EXOC6: variants seen among roughly 807,000 people sequenced by gnomAD.
EXOC6 encodes the protein SEC15-like 1.
EXOC6 carries 60 observed loss-of-function variants against 112.5 expected under a neutral mutation model. The ratio of observed to expected loss-of-function variants is 0.53; its 90% CI spans 0.43 to 0.66. The LOEUF (loss-of-function observed/expected upper bound fraction) is 0.66. EXOC6 is among the 30% of genes least tolerant of loss of function. EXOC6 has a pLI of 0.00. For synonymous variants in EXOC6, 295 were observed against 308.0 expected (o/e 0.96, Z 0.44); for missense variants, 855 against 957.1 (o/e 0.89, Z 1.41).
chr10:92,978,063 A>G (rs951847310), intron 18 of EXOC6, among the ~76,000 whole-genome samples: 2 of 152,218 alleles, frequency 1.3e-5, no homozygotes, highest in Admixed American at 1.3e-4. Context: ...AAATTCAACA[A>G]TAAATACAAG....
At chr10:92,958,245 T>C (rs1196069986) in intron 17 of EXOC6, among the ~76,000 whole-genome samples, 5 of 152,140 alleles carry the variant, frequency 3.3e-5, no homozygotes, top group Admixed American at 2.0e-4. Context: ...ATAAGTCTTC[T>C]CCTAACTGGA....
chr10:92,912,396 C>T (rs1037428983), intron 6 of EXOC6, among the ~76,000 whole-genome samples: 1 of 151,958 alleles, frequency 6.6e-6, no homozygotes, highest in East Asian at 1.9e-4. Context: ...AAGCTGGGTC[C>T]AGGGGGGTCA....
At chr10:93,050,525 C>A (rs777725917) in intron 20 of EXOC6, among the ~76,000 whole-genome samples, 9 of 151,216 alleles carry the variant, frequency 6.0e-5, no homozygotes, top group African/African-American at 2.2e-4. Flanking sequence ...TTTGGGAGGC[C>A]AAGATGGGTG....
chr10:93,018,053 AAAAG>A (rs1193367691), intron 20 of EXOC6, among the ~76,000 whole-genome samples: 1 of 151,784 alleles, frequency 6.6e-6, no homozygotes, highest in East Asian at 1.9e-4. Context: ...AAAATTTTAA[AAAAG>A]AAATACATTC....
chr10:92,896,739 A>G (rs1005953406), intron 4 of EXOC6, among the ~76,000 whole-genome samples: 9 of 152,028 alleles, frequency 5.9e-5, no homozygotes, highest in African/African-American at 2.2e-4. Context: ...TATTTTTGGT[A>G]GAGGTGGGGT....
At chr10:92,896,173 ATATATATATTTTTTTTTTTTTTTTTTTT>A (rs1849797192) in intron 4 of EXOC6, among the ~76,000 whole-genome samples, 8 of 23,808 alleles carry the variant, frequency 3.4e-4, no homozygotes, top group Admixed American at 1.8e-3. Context: ...ATATATATAT[ATATATATATTTTTTTTTTTTTTTTTTTT>A]TTTTTTTTTT....
At chr10:92,959,739 C>G (rs1853882164) in intron 17 of EXOC6, among the ~76,000 whole-genome samples, 1 of 152,064 alleles carries the variant, frequency 6.6e-6, no homozygotes, top group South Asian at 2.1e-4. Flanking sequence ...TACAGAGATA[C>G]CAGATAAGCA....
At chr10:93,052,982 A>C (rs1846371238) in intron 20 of EXOC6, among the ~76,000 whole-genome samples, 1 of 152,202 alleles carries the variant, frequency 6.6e-6, no homozygotes. Flanking sequence ...TTATTTGTGC[A>C]TTGCCATCTG....
chr10:92,872,026 T>C (rs1037027546), intron 1 of EXOC6, among the ~76,000 whole-genome samples: 51 of 152,218 alleles, frequency 3.4e-4, no homozygotes, highest in African/African-American at 1.1e-3. Flanking sequence ...ATTTTCTGTT[T>C]TCTAACTCAT....
chr10:92,904,591 G>A (rs1287337099), intron 5 of EXOC6, among the ~76,000 whole-genome samples: 1 of 151,974 alleles, frequency 6.6e-6, no homozygotes, highest in African/African-American at 2.4e-5. Flanking sequence ...CTTCTTTAGC[G>A]AGGTGTCCAA....
chr10:92,974,016 T>A, intron 17 of EXOC6, 37 bp from the exon 18 acceptor site: 1 of 1,457,272 alleles, frequency 6.9e-7, no homozygotes, highest in South Asian at 1.3e-5. Flanking sequence ...TTTTATTATC[T>A]GTTTCTTGTC....
intron 9 of EXOC6, among the ~76,000 whole-genome samples, chr10:92,929,405 G>T (rs1851900040): frequency 6.6e-6 from 1 of 152,160 alleles, no homozygotes; most frequent in Admixed American, 6.5e-5. Flanking sequence ...CTATCTCCAA[G>T]TGCCTGGCAG....
chr10:92,953,773 G>A (rs576087092), intron 15 of EXOC6, among the ~76,000 whole-genome samples: 4 of 152,224 alleles, frequency 2.6e-5, no homozygotes, highest in African/African-American at 9.6e-5. Context: ...GTTTTTTAGT[G>A]CTAGCTTAGT....
In EXOC6 at chr10:93,058,559, A is replaced by T; in HGVS notation, c.*204A>T. On this transcript the variant is annotated 3_prime_UTR_variant, in exon 22 of 22. Transcript: ENST00000260762. ...AATACTATTTTATATATGGAAAAAA[A>T]TGACCATTTTTTCACTTTTAGGGGA... 5.2e-6 allele frequency: 2 copies of T among 387,130 alleles called. No homozygotes were observed. Among genetic ancestry groups the T allele is most frequent in the Non-Finnish European group, 8.8e-6 (2 of 226,872 alleles). 24.0% of individuals were successfully genotyped at this position (387,130 alleles called of 1,614,324 possible).
intron 18 of EXOC6, among the ~76,000 whole-genome samples, chr10:92,983,562 G>A (rs1409599935): frequency 2.1e-5 from 3 of 145,038 alleles, no homozygotes; most frequent in East Asian, 2.0e-4. Context: ...GTGCATTGGC[G>A]TGAGGGATCT....
At chr10:93,053,420 G>A (rs11187262) in intron 20 of EXOC6, among the ~76,000 whole-genome samples, 65,647 of 152,120 alleles carry the variant, frequency 0.43, 17,104 homozygotes, top group Non-Finnish European at 0.59. Context: ...ATTGTTATGC[G>A]TGAAGGAGAC....
intron 13 of EXOC6, among the ~76,000 whole-genome samples, chr10:92,943,435 T>C (rs1488883644): frequency 2.6e-5 from 4 of 152,124 alleles, no homozygotes; most frequent in African/African-American, 9.7e-5. Flanking sequence ...AAAAGAAAAA[T>C]TATCAATACT....
intron 1 of EXOC6, among the ~76,000 whole-genome samples, chr10:92,887,655 T>G (rs1849292623): frequency 6.6e-6 from 1 of 152,130 alleles, no homozygotes; most frequent in South Asian, 2.1e-4. Flanking sequence ...TCTGCCCGCC[T>G]CAGCCTCCCA....
chr10:92,913,561 C>T (rs1376927830), intron 6 of EXOC6, among the ~76,000 whole-genome samples: 1 of 152,190 alleles, frequency 6.6e-6, no homozygotes, highest in Non-Finnish European at 1.5e-5. Flanking sequence ...TCCATTCTTT[C>T]ACATTTCTCG....
Sources: gnomAD v4.1 joint callset for allele counts (sites outside exome capture counted in the v4.1 genomes callset) on GRCh38, gnomAD v4.1.1 for gene constraint, MANE v1.5 for transcripts, NCBI Gene and HGNC (gene_info 2026-07-23, HGNC 2026-07-21) for gene names.